The following VTI1A variants were observed in gnomAD, a reference collection of about 807,000 sequenced individuals.
VTI1A encodes the protein vesicle transport through interaction with t-SNAREs homolog 1A.
A neutral mutation model predicts 34.9 loss-of-function variants in VTI1A; 22 were observed. The ratio of observed to expected loss-of-function variants is 0.63; its 90% CI spans 0.45 to 0.90. The LOEUF (loss-of-function observed/expected upper bound fraction) is 0.90. Ranked by LOEUF, VTI1A falls within the 40% of genes least tolerant of loss-of-function variation. VTI1A has a pLI of 0.00. For synonymous variants in VTI1A, 87 were observed against 97.3 expected (o/e 0.89, Z 0.62); for missense variants, 268 against 275.6 (o/e 0.97, Z 0.20).
the VTI1A span, among the ~76,000 whole-genome samples, chr10:112,830,157 A>G: frequency 6.6e-6 from 1 of 152,176 alleles, no homozygotes; most frequent in Non-Finnish European, 1.5e-5. Context: ...CACAATAGCC[A>G]GGGTGAGGAT....
intron 3 of VTI1A, among the ~76,000 whole-genome samples, chr10:112,489,090 A>G (rs1254487078): frequency 1.3e-5 from 2 of 152,156 alleles, no homozygotes; most frequent in South Asian, 2.1e-4. Flanking sequence ...TGCTGGGTCT[A>G]CCCTGGAGTT....
chr10:112,550,135 G>T (rs1266646063), intron 5 of VTI1A, among the ~76,000 whole-genome samples: 1 of 152,104 alleles, frequency 6.6e-6, no homozygotes, highest in African/African-American at 2.4e-5. Context: ...TTTTCCAGTT[G>T]GTTTGTAAGA....
rs1465019079 is a variant in VTI1A at position 112,559,090 on chromosome 10, C to T, written c.427+20760C>T. ...CTCAGATCCACCATCAGCTTAGGAA[C>T]TACCATCCTCTCCAAATAATTCATT... On this transcript the variant is annotated intron_variant, in intron 5 of 7. Transcript: ENST00000393077. Among the ~76,000 whole-genome samples, 2 of 152,144 alleles carry T rather than the reference C, an allele frequency of 1.3e-5. 1 individual carries two copies. The highest frequency in any genetic ancestry group is 4.8e-5 in the African/African-American group (2 of 41,432).
intron 7 of VTI1A, among the ~76,000 whole-genome samples, chr10:112,746,370 G>A (rs1439737602): frequency 6.6e-6 from 1 of 152,164 alleles, no homozygotes; most frequent in Non-Finnish European, 1.5e-5. Context: ...CTCTTAATTA[G>A]AAGGGGGACA....
chr10:112,594,742 A>G (rs11196011), intron 5 of VTI1A, among the ~76,000 whole-genome samples: 110,426 of 150,396 alleles, frequency 0.73, 41,285 homozygotes, highest in African/African-American at 0.85. Context: ...TGCCCAAGGT[A>G]ATTTATAGAT....
At chr10:112,469,809 TAG>T (rs988382586) in intron 3 of VTI1A, among the ~76,000 whole-genome samples, 10 of 152,184 alleles carry the variant, frequency 6.6e-5, no homozygotes, top group African/African-American at 2.4e-4. Flanking sequence ...GCCAAAGACT[TAG>T]GGGACCACTT....
At chr10:112,580,423 G>A (rs1843884329) in intron 5 of VTI1A, among the ~76,000 whole-genome samples, 1 of 152,188 alleles carries the variant, frequency 6.6e-6, no homozygotes, top group African/African-American at 2.4e-5. Context: ...GGAATGTCAA[G>A]GTGACTCAGC....
chr10:112,732,055 G>T lies in VTI1A; in HGVS notation c.560+63057G>T, dbSNP rs539523322. Reference sequence around the variant, plus strand: ...CACCTTTTTTTCAAGCTAATTAAAAGAATCCATTCCCTAGGAGACTGTACA... The same window carrying T: ...CACCTTTTTTTCAAGCTAATTAAAATAATCCATTCCCTAGGAGACTGTACA... On this transcript the variant is annotated intron_variant, in intron 7 of 7. Coordinates refer to ENST00000393077, the MANE Select transcript of VTI1A (RefSeq NM_145206.4). Among the ~76,000 whole-genome samples the T allele has an allele frequency of 3.3e-5, 5 of 151,758 alleles. No homozygotes were observed. The South Asian group carries it at 8.4e-4, about 25-fold the overall frequency.
chr10:112,583,266 C>T (rs1418228534), intron 5 of VTI1A, among the ~76,000 whole-genome samples: 5 of 152,110 alleles, frequency 3.3e-5, no homozygotes, highest in East Asian at 1.9e-4. Context: ...GTTTTAAGCC[C>T]GGATAACAAC....
At chr10:112,584,401 A>T (rs1844069389) in intron 5 of VTI1A, among the ~76,000 whole-genome samples, 1 of 152,172 alleles carries the variant, frequency 6.6e-6, no homozygotes, top group Non-Finnish European at 1.5e-5. Context: ...TCAGAGGAGG[A>T]ATGAGTAAGA....
intron 5 of VTI1A, among the ~76,000 whole-genome samples, chr10:112,562,215 TATC>T: frequency 6.6e-6 from 1 of 152,330 alleles, no homozygotes; most frequent in South Asian, 2.1e-4. Flanking sequence ...AGGTTTAAAG[TATC>T]ATCGTCCAGA....
At chr10:112,699,203 T>G (rs1848903663) in intron 7 of VTI1A, among the ~76,000 whole-genome samples, 1 of 152,234 alleles carries the variant, frequency 6.6e-6, no homozygotes, top group South Asian at 2.1e-4. Context: ...TACCTCCTCC[T>G]CACTCTACCT....
intron 5 of VTI1A, among the ~76,000 whole-genome samples, chr10:112,577,920 C>T (rs577703826): frequency 1.3e-5 from 2 of 152,316 alleles, no homozygotes; most frequent in Non-Finnish European, 2.9e-5. Flanking sequence ...AAATCATTTA[C>T]CCATTTTCTA....
At chr10:112,670,976 G>C (rs183002275) in intron 7 of VTI1A, among the ~76,000 whole-genome samples, 1 of 152,208 alleles carries the variant, frequency 6.6e-6, no homozygotes, top group Non-Finnish European at 1.5e-5. Flanking sequence ...ATGCCATAAC[G>C]TGGCAGGTTT....
chr10:112,756,246 A>C (rs1167719071), intron 7 of VTI1A, among the ~76,000 whole-genome samples: 5 of 152,222 alleles, frequency 3.3e-5, no homozygotes, highest in African/African-American at 1.2e-4. Flanking sequence ...TCATTAAAAC[A>C]TCATCATTAT....
In VTI1A at chr10:112,817,980, A is replaced by G; in HGVS notation, c.*2597A>G. The G allele has an allele frequency of 4.3e-6, 1 of 233,234 alleles. No individual in the cohort carries two copies. Among genetic ancestry groups the G allele is most frequent in the East Asian group, 6.0e-5 (1 of 16,532 alleles). 14.4% of individuals were successfully genotyped at this position (233,234 alleles called of 1,614,324 possible). Reference sequence around the variant, plus strand: ...TGGATGCTACCCCACTCCAGAATCAAAAGCAATTTAATTAAAGTCTCTTAA... The same window carrying G: ...TGGATGCTACCCCACTCCAGAATCAGAAGCAATTTAATTAAAGTCTCTTAA... On this transcript the variant is annotated 3_prime_UTR_variant, in exon 8 of 8. Transcript: ENST00000393077.
chr10:112,793,101 T>G (rs2134059905), intron 7 of VTI1A, among the ~76,000 whole-genome samples: 1 of 152,312 alleles, frequency 6.6e-6, no homozygotes, highest in Non-Finnish European at 1.5e-5. Flanking sequence ...CGTGGCTGTG[T>G]TAAGGAAGCC....
chr10:112,569,079 C>T (rs555968492), intron 5 of VTI1A, among the ~76,000 whole-genome samples: 1 of 151,878 alleles, frequency 6.6e-6, no homozygotes, highest in Admixed American at 6.6e-5. Context: ...CATTTGAACC[C>T]AGGAGGCGGA....
chr10:112,618,524 T>TATAGAGAAAG (rs748276058), intron 5 of VTI1A, among the ~76,000 whole-genome samples: 2 of 34,580 alleles, frequency 5.8e-5, no homozygotes, highest in Non-Finnish European at 8.7e-5. Flanking sequence ...TATATATATA[T>TATAGAGAAAG]AGAGAGAGAG....
Sources: gnomAD v4.1 joint callset for allele counts (sites outside exome capture counted in the v4.1 genomes callset) on GRCh38, gnomAD v4.1.1 for gene constraint, MANE v1.5 for transcripts, NCBI Gene and HGNC (gene_info 2026-07-23, HGNC 2026-07-21) for gene names.